RASGRF2: variants seen among roughly 807,000 people sequenced by gnomAD.
The protein encoded by RASGRF2 is ras-specific guanine nucleotide-releasing factor 2.
A neutral mutation model predicts 151.0 loss-of-function variants in RASGRF2; 76 were observed. The ratio of observed to expected loss-of-function variants is 0.50; its 90% confidence interval spans 0.42 to 0.61. The LOEUF (loss-of-function observed/expected upper bound fraction) is 0.61. RASGRF2 is among the 20% of genes least tolerant of loss of function. The pLI is 0.00. For missense variants in RASGRF2, 1,148 were observed against 1,564.6 expected (o/e 0.73, Z 4.49); for synonymous variants, 504 against 566.5 (o/e 0.89, Z 1.57).
At chr5:81,211,133 G>A (rs1202557482) in intron 22 of RASGRF2, among the ~76,000 whole-genome samples, 1 of 133,332 alleles carries the variant, frequency 7.5e-6, no homozygotes, top group Non-Finnish European at 1.6e-5. Flanking sequence ...AATAGAGCAA[G>A]ATCCTGTCTC....
chr5:81,110,915 C>T lies in RASGRF2; in HGVS notation c.1839-1695C>T, dbSNP rs554241438. Among the ~76,000 whole-genome samples the T allele has an allele frequency of 3.3e-5, 5 of 152,268 alleles. No individual in the cohort carries two copies. In the South Asian group the frequency reaches 8.3e-4, roughly 25 times the overall value. ...GGGCATTTCAAGATCAGTAATGTAA[C>T]TCAAGCTAACGGGCCACCCCAGTCA... On this transcript the variant is annotated intron_variant, in intron 13 of 26. Coordinates refer to ENST00000265080, the MANE Select transcript of RASGRF2 (RefSeq NM_006909.3).
intron 18 of RASGRF2, among the ~76,000 whole-genome samples, chr5:81,199,519 C>T (rs1378795101): frequency 6.6e-6 from 1 of 152,162 alleles, no homozygotes; most frequent in Non-Finnish European, 1.5e-5. Flanking sequence ...TAATTCTGTT[C>T]TCTAATACAC....
chr5:81,018,802 C>CTT (rs35247915), intron 1 of RASGRF2, among the ~76,000 whole-genome samples: 5 of 127,052 alleles, frequency 3.9e-5, no homozygotes, highest in African/African-American at 6.1e-5. Flanking sequence ...TCCATCTGCA[C>CTT]TTTTTTTTTT....
intron 7 of RASGRF2, 50 bp downstream of exon 7, chr5:81,080,839 C>T: frequency 2.6e-6 from 4 of 1,540,290 alleles, no homozygotes; most frequent in Non-Finnish European, 3.6e-6. Flanking sequence ...AGCTCAATGT[C>T]ACTGATACCT....
intron 17 of RASGRF2, among the ~76,000 whole-genome samples, chr5:81,150,094 G>A (rs970932749): frequency 6.6e-6 from 1 of 152,168 alleles, no homozygotes; most frequent in Non-Finnish European, 1.5e-5. Flanking sequence ...CTGGTGTCTG[G>A]TGATTTGGCA....
At chr5:80,989,033 A>C (rs1048514275) in intron 1 of RASGRF2, among the ~76,000 whole-genome samples, 1 of 151,412 alleles carries the variant, frequency 6.6e-6, no homozygotes, top group Non-Finnish European at 1.5e-5. Context: ...GTTGGTGTGC[A>C]GTGGTGCAAT....
chr5:81,001,023 A>C (rs1319964980), intron 1 of RASGRF2, among the ~76,000 whole-genome samples: 1 of 152,228 alleles, frequency 6.6e-6, no homozygotes, highest in Non-Finnish European at 1.5e-5. Context: ...TTTACTGTTT[A>C]GATAGATTGG....
chr5:81,197,671 A>G (rs1018552953), intron 18 of RASGRF2, among the ~76,000 whole-genome samples: 3 of 152,200 alleles, frequency 2.0e-5, no homozygotes, highest in Non-Finnish European at 2.9e-5. Context: ...GCAATTAACA[A>G]TGTTCTCTCC....
At chr5:81,196,708 G>C (rs1337682007) in intron 18 of RASGRF2, among the ~76,000 whole-genome samples, 1 of 144,028 alleles carries the variant, frequency 6.9e-6, no homozygotes, top group Non-Finnish European at 1.5e-5. Context: ...CCCTCAGCAC[G>C]GTCTAAACAG....
Position 81,041,225 on chromosome 5 carries a change from C to A in RASGRF2, c.289-1652C>A, listed in dbSNP as rs541770740. ...GCTGAGGCAGGAGAATCACTTGAACCAGGGAGACGGAGGTTGCAATGAGCC... is the reference window on the plus strand; with the variant it reads ...GCTGAGGCAGGAGAATCACTTGAACAAGGGAGACGGAGGTTGCAATGAGCC... On this transcript the variant is annotated intron_variant, in intron 1 of 26. Transcript: ENST00000265080. 2.7e-5 allele frequency among the ~76,000 whole-genome samples: 4 copies of A among 150,492 alleles called. No individual in the cohort carries two copies. The South Asian group carries it at 8.4e-4, about 32-fold the overall frequency.
intron 2 of RASGRF2, among the ~76,000 whole-genome samples, chr5:81,063,331 C>G (rs1207824307): frequency 6.6e-6 from 1 of 152,108 alleles, no homozygotes; most frequent in African/African-American, 2.4e-5. Flanking sequence ...ACTGCAACCT[C>G]TGCCTCCCGG....
At chr5:81,035,553 T>C (rs541356327) in intron 1 of RASGRF2, among the ~76,000 whole-genome samples, 4 of 152,146 alleles carry the variant, frequency 2.6e-5, no homozygotes, top group Admixed American at 2.6e-4. Context: ...ATGGCACATG[T>C]ATACATATGT....
intron 26 of RASGRF2, among the ~76,000 whole-genome samples, chr5:81,224,829 TAGAC>T (rs1159432943): frequency 6.6e-6 from 1 of 152,172 alleles, no homozygotes. Flanking sequence ...GGTTCCAAAA[TAGAC>T]AGAACTAATA....
At chr5:81,033,889 A>T (rs994865482) in intron 1 of RASGRF2, among the ~76,000 whole-genome samples, 1 of 152,222 alleles carries the variant, frequency 6.6e-6, no homozygotes, top group Non-Finnish European at 1.5e-5. Flanking sequence ...AAATTTTTAC[A>T]ATCTACCCAT....
At chr5:81,193,037 C>G (rs1412150301) in intron 18 of RASGRF2, among the ~76,000 whole-genome samples, 1 of 152,162 alleles carries the variant, frequency 6.6e-6, no homozygotes, top group African/African-American at 2.4e-5. Context: ...TTTTAATCCA[C>G]TCTGCAGTAT....
rs76432092 is a variant in RASGRF2 at position 80,962,423 on chromosome 5, A to C, written c.288+1397A>C. On this transcript the variant is annotated intron_variant, in intron 1 of 26. Coordinates refer to ENST00000265080, the MANE Select transcript of RASGRF2 (RefSeq NM_006909.3). ...CAGGAATATATATAAGTAACATTCT[A>C]TTGGTGGGATTTTTTTTAAGGTATG... Among the ~76,000 whole-genome samples, 28 of 152,232 alleles carry C rather than the reference A, an allele frequency of 1.8e-4. No homozygotes were observed. The East Asian group carries it at 5.2e-3, about 28-fold the overall frequency.
chr5:81,022,163 G>A (rs1159726612), intron 1 of RASGRF2, among the ~76,000 whole-genome samples: 1 of 152,202 alleles, frequency 6.6e-6, no homozygotes, highest in Non-Finnish European at 1.5e-5. Context: ...AGCTGCAGGA[G>A]AGTGGGTTGA....
intron 1 of RASGRF2, among the ~76,000 whole-genome samples, chr5:80,984,451 T>G (rs1343511718): frequency 6.6e-6 from 1 of 152,256 alleles, no homozygotes; most frequent in African/African-American, 2.4e-5. Flanking sequence ...ATAATTTAAT[T>G]GATGTAAACT....
intron 24 of RASGRF2, among the ~76,000 whole-genome samples, chr5:81,216,386 A>AC (rs1561264589): frequency 1.5e-3 from 168 of 114,178 alleles, no homozygotes; most frequent in African/African-American, 5.5e-3. Context: ...CACACACACA[A>AC]ACACACACAC....
Sources: gnomAD v4.1 joint callset for allele counts (sites outside exome capture counted in the v4.1 genomes callset) on GRCh38, gnomAD v4.1.1 for gene constraint, MANE v1.5 for transcripts, NCBI Gene and HGNC (gene_info 2026-07-23, HGNC 2026-07-21) for gene names.